The following GRIK2 variants were observed in gnomAD, a reference collection of about 807,000 sequenced individuals.
The protein encoded by GRIK2 is glutamate receptor ionotropic, kainate 2.
Under a neutral mutation model 100.3 loss-of-function variants are expected in GRIK2, and 32 were observed. The ratio of observed to expected loss-of-function variants is 0.32; its 90% confidence interval spans 0.24 to 0.43. GRIK2 has a LOEUF of 0.43. Ranked by LOEUF, GRIK2 falls within the 20% of genes least tolerant of loss-of-function variation. The probability of loss-of-function intolerance (pLI) is 1.00; values close to 1 mark genes in which losing one functional copy is unlikely to be tolerated. For synonymous variants in GRIK2, 417 were observed against 389.4 expected (o/e 1.07, Z -0.83); for missense variants, 843 against 1,114.9 (o/e 0.76, Z 3.47).
intron 15 of GRIK2, among the ~76,000 whole-genome samples, chr6:102,037,536 C>T (rs1770336347): frequency 6.6e-6 from 1 of 151,202 alleles, no homozygotes; most frequent in African/African-American, 2.4e-5. Flanking sequence ...AATATACCCC[C>T]TTTATTACCT....
intron 14 of GRIK2, among the ~76,000 whole-genome samples, chr6:101,994,977 C>A (rs545313799): frequency 3.9e-5 from 6 of 151,982 alleles, no homozygotes; most frequent in African/African-American, 1.4e-4. Context: ...TAATGATTCA[C>A]AAGTTGGAAA....
intron 7 of GRIK2, among the ~76,000 whole-genome samples, chr6:101,791,217 C>T (rs1445792586): frequency 2.6e-5 from 4 of 152,222 alleles, no homozygotes; most frequent in South Asian, 4.2e-4. Context: ...TTCAGTTCTG[C>T]TCTGATTTTA....
intron 14 of GRIK2, among the ~76,000 whole-genome samples, chr6:101,973,566 T>C (rs538938192): frequency 3.3e-5 from 5 of 152,038 alleles, no homozygotes; most frequent in African/African-American, 1.2e-4. Context: ...TATTTTGAAA[T>C]CTTTATGAAC....
intron 2 of GRIK2, among the ~76,000 whole-genome samples, chr6:101,537,442 TTGTG>T (rs72439810): frequency 2.2e-5 from 3 of 134,164 alleles, no homozygotes; most frequent in East Asian, 4.3e-4. Flanking sequence ...GTGTGTGTGT[TTGTG>T]TGTGTGTGCG....
In GRIK2 at chr6:101,710,753, C is replaced by T. The variant is rs923858749; in HGVS notation, c.951+24400C>T. On this transcript the variant is annotated intron_variant, in intron 7 of 16. Transcript: ENST00000369134. ...CCTGGGGTCACAAGACGTCCTCATGCTCAGCACCATGCTTTGTTGAAGCAC... is the reference window on the plus strand; with the variant it reads ...CCTGGGGTCACAAGACGTCCTCATGTTCAGCACCATGCTTTGTTGAAGCAC... 2.0e-5 allele frequency among the ~76,000 whole-genome samples: 3 copies of T among 151,834 alleles called. No homozygotes were observed. In the South Asian group the frequency reaches 6.2e-4, roughly 32 times the overall value.
intron 7 of GRIK2, among the ~76,000 whole-genome samples, chr6:101,792,799 G>GT (rs1176537614): frequency 6.6e-6 from 1 of 152,102 alleles, no homozygotes; most frequent in Non-Finnish European, 1.5e-5. Context: ...ATCCTGCAGA[G>GT]TTTTTTCCAA....
chr6:102,003,812 T>A (rs1015301433), intron 14 of GRIK2, among the ~76,000 whole-genome samples: 4 of 151,772 alleles, frequency 2.6e-5, no homozygotes, highest in African/African-American at 9.7e-5. Context: ...TATAATTTCC[T>A]TTTTAAGAGA....
intron 7 of GRIK2, among the ~76,000 whole-genome samples, chr6:101,743,408 GT>G (rs1776171758): frequency 6.6e-6 from 1 of 152,206 alleles, no homozygotes; most frequent in East Asian, 1.9e-4. Context: ...GTCAGCCCTT[GT>G]TTTAAGCAGG....
chr6:101,527,246 T>C (rs1295009770), intron 2 of GRIK2, among the ~76,000 whole-genome samples: 3 of 152,202 alleles, frequency 2.0e-5, no homozygotes, highest in African/African-American at 7.2e-5. Context: ...TGAAAACTGC[T>C]ATGTTATTAT....
Position 101,889,620 on chromosome 6 carries a change from T to TTTTTTTTTTTTTTTTTC in GRIK2, c.1525-19_1525-18insTTTTTTTTTTTTTTTCT. 9.1e-7 allele frequency: 1 copy of TTTTTTTTTTTTTTTTTC among 1,102,762 alleles called. No homozygotes were observed. Among genetic ancestry groups the TTTTTTTTTTTTTTTTTC allele is most frequent in the Non-Finnish European group, 1.3e-6 (1 of 781,222 alleles). The allele number at this position is 1,102,762 out of a possible 1,614,324, so 68.3% of individuals were successfully genotyped here. ...TTCTTTCTTTCTTTTTTTTTTTTTTTTGTTTGTTTCTGTCTACAGAAAGCT... is the reference window on the plus strand; with the variant it reads ...TTCTTTCTTTCTTTTTTTTTTTTTTTTTTTTTTTTTTTTTTTCTGTTTGTTTCTGTCTACAGAAAGCT... On this transcript the variant is annotated intron_variant, in intron 11 of 16. Coordinates refer to ENST00000369134, the MANE Select transcript of GRIK2 (RefSeq NM_021956.5).
At chr6:101,928,063 G>GA (rs1383611603) in intron 13 of GRIK2, 2 of 210,282 alleles carry the variant, frequency 9.5e-6, no homozygotes, top group Middle Eastern at 1.9e-3. Context: ...AACAAAATAT[G>GA]AAAAAACAAT....
At chr6:101,832,092 T>G (rs1398284631) in intron 10 of GRIK2, among the ~76,000 whole-genome samples, 1 of 152,106 alleles carries the variant, frequency 6.6e-6, no homozygotes, top group Admixed American at 6.6e-5. Context: ...AATACAGTTT[T>G]AATGAATGAA....
chr6:101,665,994 T>G (rs1226214881), intron 4 of GRIK2, among the ~76,000 whole-genome samples: 1 of 152,112 alleles, frequency 6.6e-6, no homozygotes, highest in Non-Finnish European at 1.5e-5. Context: ...GTAGCATTAT[T>G]TAGGCACCCT....
chr6:101,502,734 C>T (rs555524986), intron 2 of GRIK2, among the ~76,000 whole-genome samples: 31 of 152,150 alleles, frequency 2.0e-4, no homozygotes, highest in African/African-American at 5.3e-4. Flanking sequence ...ATTCAGTGTG[C>T]GAATTGAAAC....
At chr6:101,650,420 G>T (rs186435460) in intron 4 of GRIK2, among the ~76,000 whole-genome samples, 1 of 152,184 alleles carries the variant, frequency 6.6e-6, no homozygotes, top group Non-Finnish European at 1.5e-5. Context: ...TTCAGTTTAA[G>T]TCTCCAAATT....
chr6:101,876,662 G>T (rs1272657127), intron 11 of GRIK2, among the ~76,000 whole-genome samples: 1 of 151,806 alleles, frequency 6.6e-6, no homozygotes, highest in Non-Finnish European at 1.5e-5. Flanking sequence ...CATTATCCTG[G>T]TGAGACCCTT....
chr6:102,035,671 C>A, intron 15 of GRIK2, 105 bp downstream of exon 15: 1 of 620,182 alleles, frequency 1.6e-6, no homozygotes, highest in South Asian at 2.2e-5. Flanking sequence ...TTTGTTTTTA[C>A]CAAATGCATC....
At chr6:101,720,354 T>C (rs1219533792) in intron 7 of GRIK2, among the ~76,000 whole-genome samples, 1 of 152,066 alleles carries the variant, frequency 6.6e-6, no homozygotes, top group Non-Finnish European at 1.5e-5. Flanking sequence ...CTTTTATGTG[T>C]TCTATATTCT....
intron 9 of GRIK2, among the ~76,000 whole-genome samples, chr6:101,804,881 A>AT (rs1321379555): frequency 4.6e-5 from 7 of 151,948 alleles, no homozygotes; most frequent in African/African-American, 1.7e-4. Flanking sequence ...GACAGACTTG[A>AT]TTTTGACTTA....
Sources: allele counts gnomAD v4.1 joint callset (sites outside exome capture counted in the v4.1 genomes callset), GRCh38; gene constraint gnomAD v4.1.1; transcripts MANE v1.5; gene names NCBI Gene and HGNC (gene_info 2026-07-23, HGNC 2026-07-21).